The following PIK3C2A variants were observed in gnomAD, a reference collection of about 807,000 sequenced individuals.
The protein encoded by PIK3C2A is phosphatidylinositol-4-phosphate 3-kinase catalytic subunit type 2 alpha.
In PIK3C2A, 97 loss-of-function variants were observed where a neutral mutation model predicts 204.5. That is an observed-to-expected ratio of 0.47 (90% confidence interval 0.40 to 0.56). PIK3C2A has a LOEUF of 0.56. Among genes scored for constraint, PIK3C2A ranks in the 20% least tolerant of loss-of-function variants. PIK3C2A has a pLI of 0.00. For synonymous variants in PIK3C2A, 653 were observed against 664.4 expected, an observed-to-expected ratio of 0.98 and a Z score of 0.26; for missense variants, 1,735 against 1,969.2, an observed-to-expected ratio of 0.88 and a Z score of 2.25.
At position 17,135,246 on chromosome 11, in the gene PIK3C2A, C is replaced by T. The variant is rs1849832441; in HGVS notation, c.1849-87G>A. On this transcript the variant is annotated intron_variant, in intron 9 of 32. Transcript: ENST00000691414. ...AAATACTATGTCCAAGAAACTCTTT[C>T]CAGGGGAAACCTCCCAAGTATCTAC... 3 of 1,256,420 alleles carry T rather than the reference C, an allele frequency of 2.4e-6. No homozygotes were observed. The Admixed American group carries it at 5.6e-5, about 23-fold the overall frequency. 77.8% of individuals were successfully genotyped at this position (1,256,420 alleles called of 1,614,324 possible).
At chr11:17,132,576 G>A (rs1376336171) in intron 11 of PIK3C2A, among the ~76,000 whole-genome samples, 4 of 151,832 alleles carry the variant, frequency 2.6e-5, no homozygotes, top group Admixed American at 1.3e-4. Context: ...TGATCCACCC[G>A]CCTCGGCCTC....
At chr11:17,132,369 A>ACGGACTG (rs1437896457) in intron 11 of PIK3C2A, among the ~76,000 whole-genome samples, 1 of 127,390 alleles carries the variant, frequency 7.8e-6, no homozygotes, top group Non-Finnish European at 1.6e-5. Context: ...GTCGCCCAGG[A>ACGGACTG]CGGACTGCGG....
chr11:17,175,670 T>A (rs1279552648), intron 1 of PIK3C2A, among the ~76,000 whole-genome samples: 2 of 152,234 alleles, frequency 1.3e-5, no homozygotes, highest in African/African-American at 4.8e-5. Context: ...ATCACAAGGC[T>A]GTAGCTACTT....
chr11:17,125,524 T>C (rs191234806), intron 13 of PIK3C2A, among the ~76,000 whole-genome samples: 2 of 152,180 alleles, frequency 1.3e-5, no homozygotes, highest in East Asian at 3.9e-4. Context: ...TTTTCACTGT[T>C]TTTTTTTGAG....
chr11:17,192,102 A>C (rs1384687952), intron 1 of PIK3C2A, among the ~76,000 whole-genome samples: 2 of 152,134 alleles, frequency 1.3e-5, no homozygotes, highest in Non-Finnish European at 2.9e-5. Context: ...CGGAGATCGC[A>C]CCACTGCACT....
At chr11:17,178,978 C>T (rs1851439066) in intron 1 of PIK3C2A, among the ~76,000 whole-genome samples, 1 of 151,504 alleles carries the variant, frequency 6.6e-6, no homozygotes, top group South Asian at 2.1e-4. Context: ...ATCCACCCGC[C>T]TCGGCCTCCC....
chr11:17,127,193 T>C (rs1259868470), intron 13 of PIK3C2A, among the ~76,000 whole-genome samples: 1 of 152,130 alleles, frequency 6.6e-6, no homozygotes, highest in Non-Finnish European at 1.5e-5. Flanking sequence ...TTCAAAATTA[T>C]GTCAGGTATT....
At chr11:17,091,916 T>C in intron 30 of PIK3C2A, 80 bp downstream of exon 30, 1 of 900,304 alleles carries the variant, frequency 1.1e-6, no homozygotes, top group Admixed American at 1.7e-5. Context: ...GTAAGCCTGC[T>C]GTCATTCTAC....
chr11:17,119,425 T>G lies in PIK3C2A; in HGVS notation c.2847-112A>C. ...CTGACAAAGAACACTAAGATATCTC[T>G]TTTATTCAAAAGCAATGTATTTCTT... On this transcript the variant is annotated intron_variant, in intron 16 of 32. Transcript: ENST00000691414. 5 of 689,092 alleles carry G rather than the reference T, an allele frequency of 7.3e-6. No individual in the cohort carries two copies. The South Asian group carries it at 8.7e-5, about 12-fold the overall frequency. 42.7% of individuals were successfully genotyped at this position (689,092 alleles called of 1,614,324 possible).
chr11:17,127,272 G>A (rs147031028), intron 13 of PIK3C2A, among the ~76,000 whole-genome samples: 3 of 151,858 alleles, frequency 2.0e-5, no homozygotes, highest in East Asian at 3.9e-4. Flanking sequence ...GGGGGGAAGC[G>A]ACTAAAATAA....
intron 1 of PIK3C2A, among the ~76,000 whole-genome samples, chr11:17,170,223 G>C (rs1442725191): frequency 6.6e-6 from 1 of 152,100 alleles, no homozygotes; most frequent in African/African-American, 2.4e-5. Context: ...AATGGTTTTT[G>C]ATCTTTTGCT....
chr11:17,124,444 T>C (rs1849456119), intron 13 of PIK3C2A, among the ~76,000 whole-genome samples: 1 of 151,614 alleles, frequency 6.6e-6, no homozygotes, highest in African/African-American at 2.4e-5. Context: ...GCCTAACACT[T>C]GCATTTGGAT....
intron 8 of PIK3C2A, 82 bp from the exon 9 acceptor site, chr11:17,136,707 T>A (rs989353031): frequency 1.7e-5 from 12 of 686,292 alleles, no homozygotes; most frequent in Non-Finnish European, 2.2e-5. Context: ...AAACTAGATA[T>A]CTTAGATATC....
At chr11:17,105,617 A>G (rs1329927545) in intron 22 of PIK3C2A, among the ~76,000 whole-genome samples, 1 of 151,618 alleles carries the variant, frequency 6.6e-6, no homozygotes, top group East Asian at 1.9e-4. Flanking sequence ...TCACTGTTCA[A>G]CTCCCACATA....
Position 17,136,615 on chromosome 11 carries a change from C to T in PIK3C2A, c.1715G>A (p.Arg572Gln), listed in dbSNP as rs764587414. ...ELALQIENQH[R>Q]AVDQVIKAVR... ...AGCTTTAATTACTTGATCTACTGCT[C>T]GGTGTTGGTTCTTTAAAAATAAAAA... is the stretch of plus-strand genomic sequence containing the variant. The change falls in exon 9 of 33, where the codon CGA (arginine) becomes CAA (glutamine). Residue 572 changes from arginine to glutamine, a missense_variant. Physicochemically the swap from Arg to Gln is conservative, Grantham distance 43. Coordinates refer to ENST00000691414, the MANE Select transcript of PIK3C2A (RefSeq NM_002645.4). The T allele has an allele frequency of 1.6e-5, 25 of 1,567,514 alleles. No individual in the cohort carries two copies. The highest frequency in any genetic ancestry group is 2.2e-5 in the East Asian group (1 of 44,484).
At chr11:17,153,288 A>C (rs1434633265) in intron 3 of PIK3C2A, among the ~76,000 whole-genome samples, 6 of 152,270 alleles carry the variant, frequency 3.9e-5, no homozygotes, top group Middle Eastern at 3.4e-3. Flanking sequence ...AAAAAAAATT[A>C]GCTGAGCATG....
chr11:17,193,644 G>T (rs990922455), intron 1 of PIK3C2A: 4 of 258,884 alleles, frequency 1.5e-5, no homozygotes, highest in Non-Finnish European at 3.0e-5. Context: ...TCAAGAGATC[G>T]AGACCAACCT....
Position 17,091,438 on chromosome 11 carries a change from G to C in PIK3C2A, c.4774C>G (p.Pro1592Ala), listed in dbSNP as rs780458031. ...AGGTATGTTTTGACATATGGATTTG[G>C]GTCAGCTCCATCTTCAGTAACCTAA... is the stretch of plus-strand genomic sequence containing the variant. ...KDLVTEDGAD[P>A]NPYVKTYLLP... The change falls in exon 32 of 33, where the codon CCA (proline) becomes GCA (alanine). Residue 1592 changes from proline (P) to alanine (A), a missense_variant. Coordinates refer to ENST00000691414, the MANE Select transcript of PIK3C2A (RefSeq NM_002645.4). 6.2e-7 allele frequency: 1 copy of C among 1,613,062 alleles called. No individual in the cohort carries two copies. Among genetic ancestry groups the C allele is most frequent in the Admixed American group, 1.7e-5 (1 of 59,860 alleles).
chr11:17,110,599 C>T, intron 21 of PIK3C2A, 38 bp from the exon 22 acceptor site: 11 of 1,583,344 alleles, frequency 6.9e-6, no homozygotes, highest in Non-Finnish European at 9.4e-6. Context: ...TTGTACATCT[C>T]CAAAAGACTT....
Sources: gnomAD v4.1 joint callset for allele counts (sites outside exome capture counted in the v4.1 genomes callset) on GRCh38, gnomAD v4.1.1 for gene constraint, MANE v1.5 for transcripts, NCBI Gene and HGNC (gene_info 2026-07-23, HGNC 2026-07-21) for gene names.